Variants in ORC2 observed in about 807,000 individuals in gnomAD.
ORC2 encodes origin recognition complex protein 2 homolog.
Under a neutral mutation model 77.7 loss-of-function variants are expected in ORC2, and 37 were observed. That is an observed-to-expected ratio of 0.48 (90% CI 0.37 to 0.63). ORC2 has a LOEUF of 0.63. ORC2 is among the 20% of genes least tolerant of loss of function. The pLI is 0.00. For missense variants in ORC2, 557 were observed against 661.9 expected (o/e 0.84, Z 1.74); for synonymous variants, 201 against 229.5 (o/e 0.88, Z 1.12).
At chr2:200,956,614 G>A (rs1433659706) in intron 4 of ORC2, among the ~76,000 whole-genome samples, 4 of 152,018 alleles carry the variant, frequency 2.6e-5, no homozygotes, top group African/African-American at 7.3e-5. Flanking sequence ...ACAGGCGTGA[G>A]CCACCATGTC....
At chr2:200,959,031 T>C (rs1483247894) in intron 2 of ORC2, among the ~76,000 whole-genome samples, 1 of 152,226 alleles carries the variant, frequency 6.6e-6, no homozygotes, top group Non-Finnish European at 1.5e-5. Context: ...TCTTTCTTTT[T>C]TTATTGAGAC....
intron 13 of ORC2, among the ~76,000 whole-genome samples, chr2:200,924,800 C>G (rs934567832): frequency 6.6e-6 from 1 of 151,902 alleles, no homozygotes; most frequent in African/African-American, 2.4e-5. Flanking sequence ...ACTCTATCAC[C>G]CAGGGTGGAG....
intron 5 of ORC2, among the ~76,000 whole-genome samples, chr2:200,946,281 T>C (rs1217684031): frequency 6.6e-6 from 1 of 152,134 alleles, no homozygotes; most frequent in East Asian, 1.9e-4. Flanking sequence ...TGAGCTACCA[T>C]GCCTGGACAA....
At chr2:200,912,568 C>T (rs910258683) in intron 17 of ORC2, among the ~76,000 whole-genome samples, 2 of 151,986 alleles carry the variant, frequency 1.3e-5, no homozygotes, top group Non-Finnish European at 2.9e-5. Flanking sequence ...GGTACAGCTG[C>T]GTGCCACCAC....
chr2:200,957,341 T>C (rs934143104), intron 4 of ORC2, 60 bp downstream of exon 4: 2 of 1,312,722 alleles, frequency 1.5e-6, no homozygotes, highest in Admixed American at 4.7e-5. Flanking sequence ...CTTTTGTGTA[T>C]CCTATAAAGC....
chr2:200,943,116 G>A (rs1298859675), intron 5 of ORC2: 1 of 161,464 alleles, frequency 6.2e-6, no homozygotes, highest in Admixed American at 6.4e-5. Context: ...ATCTTTGATG[G>A]GGGGTGAGAA....
rs552607933 is a variant in ORC2, at chr2:200,913,143, A to C, written c.1647+152T>G. On this transcript the variant is annotated intron_variant, in intron 17 of 17. Coordinates refer to ENST00000234296, the MANE Select transcript of ORC2 (RefSeq NM_006190.5). The stretch of plus-strand genomic sequence containing the variant: ...GGGTACTTCTACCATGGCTCTTTCT[A>C]CAAACTCAAATGGCACATCCCCTAA... 62 of 486,738 alleles carry C rather than the reference A, an allele frequency of 1.3e-4. No individual in the cohort carries two copies. In the South Asian group the frequency reaches 1.5e-3, roughly 12 times the overall value. 30.2% of individuals were successfully genotyped at this position (486,738 alleles called of 1,614,324 possible). A position where few individuals can be genotyped will look rare whatever the true frequency, so the allele number is the denominator to read the frequency against.
intron 6 of ORC2, 40 bp from the exon 7 acceptor site, chr2:200,941,319 C>T (rs138313180): frequency 2.9e-4 from 450 of 1,578,462 alleles, no homozygotes; most frequent in Non-Finnish European, 3.8e-4. Context: ...ACTACGGACA[C>T]TTCACTTTTC....
At position 200,958,041 on chromosome 2, in the gene ORC2, T is replaced by C; in HGVS notation, c.83A>G (p.Asp28Gly). Residue 28 changes from aspartate to glycine, a missense_variant, in exon 3 of 18, where the codon GAT becomes GGT. By Grantham distance (94) the Asp-to-Gly change is moderately conservative. Coordinates refer to ENST00000234296, the MANE Select transcript of ORC2 (RefSeq NM_006190.5). ...CAATCACTTAATACCTCCTTCTCTATCTAGAATGTGATTAAGAACATCATC... is the reference window on the plus strand; with the variant it reads ...CAATCACTTAATACCTCCTTCTCTACCTAGAATGTGATTAAGAACATCATC... Reference protein sequence around the residue: ...GDDDVLNHILDREGGAKLKKE... With the variant: ...GDDDVLNHILGREGGAKLKKE... 1 of 1,587,662 alleles carries C rather than the reference T, an allele frequency of 6.3e-7. No individual in the cohort carries two copies. The highest frequency in any genetic ancestry group is 8.6e-7 in the Non-Finnish European group (1 of 1,156,494).
chr2:200,958,748 A>G (rs1396810119), intron 2 of ORC2, among the ~76,000 whole-genome samples: 1 of 152,212 alleles, frequency 6.6e-6, no homozygotes, highest in South Asian at 2.1e-4. Context: ...AACACTTTAC[A>G]CTCAGTTCCT....
intron 15 of ORC2, 129 bp from the exon 16 acceptor site, chr2:200,914,121 G>T: frequency 1.7e-6 from 1 of 588,280 alleles, no homozygotes; most frequent in Non-Finnish European, 3.0e-6. Context: ...TTCCTCCAAG[G>T]AATATCATAT....
intron 11 of ORC2, among the ~76,000 whole-genome samples, chr2:200,928,093 C>T (rs1255665961): frequency 6.6e-6 from 1 of 151,992 alleles, no homozygotes; most frequent in Non-Finnish European, 1.5e-5. Context: ...TGATGGCTCA[C>T]GCCTGTAATC....
chr2:200,941,098 C>G, intron 7 of ORC2, 150 bp downstream of exon 7: 1 of 522,328 alleles, frequency 1.9e-6, no homozygotes, highest in Non-Finnish European at 3.4e-6. Flanking sequence ...AATTCTCCAC[C>G]TATAAGTTAG....
At chr2:200,919,512 C>A (rs1177505672) in intron 15 of ORC2, among the ~76,000 whole-genome samples, 1 of 152,182 alleles carries the variant, frequency 6.6e-6, no homozygotes. Flanking sequence ...GTGCGTGCCA[C>A]CACACCTGGC....
At chr2:200,946,003 C>T (rs1043499192) in intron 5 of ORC2, among the ~76,000 whole-genome samples, 1 of 152,162 alleles carries the variant, frequency 6.6e-6, no homozygotes, top group Admixed American at 6.5e-5. Flanking sequence ...ACTTTCTTCT[C>T]TACCTGGTAC....
rs970900257 is a variant in ORC2, at chr2:200,910,232, A to C, written c.*1069T>G. 12 of 152,210 alleles carry C rather than the reference A, an allele frequency of 7.9e-5. No homozygotes were observed. Among genetic ancestry groups the C allele is most frequent in the African/African-American group, 2.9e-4 (12 of 41,446 alleles). The allele number at this position is 152,210 out of a possible 1,614,324, so 9.4% of individuals were successfully genotyped here. On this transcript the variant is annotated 3_prime_UTR_variant, in exon 18 of 18. Transcript: ENST00000234296. ...GGAAGAACTTCATTTCCAAGTGTCA[A>C]ATATTTCAGGGGGTATGTGATGACT... is the stretch of plus-strand genomic sequence containing the variant.
intron 12 of ORC2, 117 bp downstream of exon 12, chr2:200,926,651 A>G (rs1248429223): frequency 1.1e-6 from 1 of 923,110 alleles, no homozygotes. Flanking sequence ...AGCACTATAC[A>G]ATCCTACTAC....
At chr2:200,920,878 A>G in intron 14 of ORC2, 115 bp downstream of exon 14, 4 of 631,692 alleles carry the variant, frequency 6.3e-6, no homozygotes, top group Non-Finnish European at 9.4e-6. Context: ...GTTTTTAAAC[A>G]TGTAAAAGGG....
At chr2:200,962,208 A>G (rs1439153213) in intron 1 of ORC2, among the ~76,000 whole-genome samples, 1 of 152,200 alleles carries the variant, frequency 6.6e-6, no homozygotes, top group Non-Finnish European at 1.5e-5. Context: ...AAACCTAACA[A>G]TCACACAATA....
Sources: allele counts gnomAD v4.1 joint callset (sites outside exome capture counted in the v4.1 genomes callset), GRCh38; gene constraint gnomAD v4.1.1; transcripts MANE v1.5; gene names NCBI Gene and HGNC (gene_info 2026-07-23, HGNC 2026-07-21).